The following MYEF2 variants were observed in gnomAD, a reference collection of about 807,000 sequenced individuals.
The protein encoded by MYEF2 is myelin gene expression factor 2.
MYEF2 carries 37 observed loss-of-function variants against 75.2 expected under a neutral mutation model. That is an observed-to-expected ratio of 0.49 (90% confidence interval 0.38 to 0.65). MYEF2 has a LOEUF of 0.65. Ranked by LOEUF, MYEF2 falls within the 30% of genes least tolerant of loss-of-function variation. MYEF2 has a pLI of 0.00. For synonymous variants in MYEF2, 195 were observed against 241.6 expected, an observed-to-expected ratio of 0.81 and a Z score of 1.79; for missense variants, 634 against 771.4, an observed-to-expected ratio of 0.82 and a Z score of 2.11.
intron 5 of MYEF2, among the ~76,000 whole-genome samples, chr15:48,160,409 T>C (rs2039891765): frequency 3.3e-5 from 5 of 151,518 alleles, no homozygotes; most frequent in Admixed American, 2.6e-4. Context: ...AAGTGAGAAA[T>C]GATATTAAAC....
At chr15:48,173,025 G>A (rs967397412) in intron 1 of MYEF2, among the ~76,000 whole-genome samples, 7 of 152,184 alleles carry the variant, frequency 4.6e-5, no homozygotes, top group African/African-American at 1.4e-4. Flanking sequence ...TGATAACAAC[G>A]CAAGACAAGG....
chr15:48,163,426 T>G lies in MYEF2; in HGVS notation c.525+2507A>C, dbSNP rs541081760. ...GTGAGAAAGCTGCAGAAGAAAAGTTTGAAGCTGGTTCATGAGATTTAAAGA... is the reference window on the plus strand; with the variant it reads ...GTGAGAAAGCTGCAGAAGAAAAGTTGGAAGCTGGTTCATGAGATTTAAAGA... On this transcript the variant is annotated intron_variant, in intron 5 of 16. Coordinates refer to ENST00000324324, the MANE Select transcript of MYEF2 (RefSeq NM_016132.5). Among the ~76,000 whole-genome samples, 23 of 152,284 alleles carry G rather than the reference T, an allele frequency of 1.5e-4. No individual in the cohort carries two copies. The South Asian group carries it at 1.9e-3, about 12-fold the overall frequency.
At chr15:48,157,797 A>G in intron 9 of MYEF2, 196 bp downstream of exon 9, 2 of 1,319,470 alleles carry the variant, frequency 1.5e-6, no homozygotes, top group Non-Finnish European at 1.9e-6. Context: ...AAGTTACCAA[A>G]GAGAAAAAAA....
chr15:48,143,966 A>G (rs1184717993), intron 16 of MYEF2, among the ~76,000 whole-genome samples: 1 of 152,060 alleles, frequency 6.6e-6, no homozygotes, highest in African/African-American at 2.4e-5. Flanking sequence ...CCCCAGGCAA[A>G]CTGGAATACA....
At chr15:48,157,852 C>A (rs186487542) in intron 9 of MYEF2, 141 bp downstream of exon 9, 1 of 1,426,762 alleles carries the variant, frequency 7.0e-7, no homozygotes, top group South Asian at 1.7e-5. Flanking sequence ...TAATCAATAG[C>A]GCCAAACTAT....
At chr15:48,170,135 T>C (rs769305388) in intron 1 of MYEF2, among the ~76,000 whole-genome samples, 22 of 152,046 alleles carry the variant, frequency 1.4e-4, no homozygotes, top group Non-Finnish European at 2.6e-4. Flanking sequence ...GTTGTTGTTG[T>C]TGTTGTTTGA....
chr15:48,168,632 T>C lies in MYEF2; in HGVS notation c.369A>G (p.Lys123=). Residue 123 remains lysine, a splice_region_variant and synonymous_variant, in exon 2 of 17, where the codon AAA becomes AAG. Transcript: ENST00000324324. ...WQAIKDLMRE[K]VGEVTYVELF... The stretch of plus-strand genomic sequence containing the variant: ...GTGGGTTATTTCAGAGATAGTTACC[T>C]TTCTCTCTCATTAGATCTTTAATAG... The C allele has an allele frequency of 2.5e-6, 4 of 1,610,044 alleles. No individual in the cohort carries two copies. The highest frequency in any genetic ancestry group is 3.4e-6 in the Non-Finnish European group (4 of 1,176,894).
chr15:48,166,827 C>A (rs1046969783), intron 3 of MYEF2, among the ~76,000 whole-genome samples: 1 of 151,896 alleles, frequency 6.6e-6, no homozygotes, highest in Non-Finnish European at 1.5e-5. Flanking sequence ...ATTCTTATTG[C>A]TAAAAATCAA....
rs2040252838 is a variant in MYEF2, at chr15:48,169,637, A to C, written c.162-798T>G. Among the ~76,000 whole-genome samples, 3 of 149,840 alleles carry C rather than the reference A, an allele frequency of 2.0e-5. No homozygotes were observed. In the South Asian group the frequency reaches 6.3e-4, roughly 32 times the overall value. Reference sequence around the variant, plus strand: ...TTTTGAGACGGAGTTTTGCTCTGTCACCCAGGCTGGAGTGCAGTGGTGCAA... The same window carrying C: ...TTTTGAGACGGAGTTTTGCTCTGTCCCCCAGGCTGGAGTGCAGTGGTGCAA... On this transcript the variant is annotated intron_variant, in intron 1 of 16. Coordinates refer to ENST00000324324, the MANE Select transcript of MYEF2 (RefSeq NM_016132.5).
chr15:48,176,750 T>A (rs2040540384), intron 1 of MYEF2, among the ~76,000 whole-genome samples: 1 of 152,236 alleles, frequency 6.6e-6, no homozygotes, highest in Non-Finnish European at 1.5e-5. Flanking sequence ...TAATGCCAAA[T>A]TCCAGAAAGC....
chr15:48,166,973 T>C (rs1249896113), intron 3 of MYEF2, among the ~76,000 whole-genome samples: 2 of 152,110 alleles, frequency 1.3e-5, no homozygotes, highest in Non-Finnish European at 1.5e-5. Context: ...AAAAATACAT[T>C]CTGAACTAAC....
chr15:48,149,279 T>A lies in MYEF2; in HGVS notation c.1471A>T (p.Ile491Leu). ...SSSFDRMGPGIGAILERSIDM... is the reference protein window; with the variant it reads ...SSSFDRMGPGLGAILERSIDM... The stretch of plus-strand genomic sequence containing the variant: ...ATGCTCCTTTCCAGTATAGCTCCTA[T>A]ACCTGGTCCCATTCTATCAAAGCTG... Residue 491 changes from isoleucine to leucine, a missense_variant, in exon 15 of 17, where the codon ATA becomes TTA. Physicochemically the swap from Ile to Leu is conservative, Grantham distance 5. Coordinates refer to ENST00000324324, the MANE Select transcript of MYEF2 (RefSeq NM_016132.5). The surrounding 1 kb of genome is among the most constrained non-coding windows in gnomAD (Gnocchi z 4.0). 1 of 1,613,366 alleles carries A rather than the reference T, an allele frequency of 6.2e-7. No individual in the cohort carries two copies. Among genetic ancestry groups the A allele is most frequent in the East Asian group, 2.2e-5 (1 of 44,862 alleles).
rs2038899297 is a variant in MYEF2, at chr15:48,136,362, A to T, written c.*6546T>A. ...GTTCACCACTATTTATTAATTTTAC[A>T]TTTATTTTGAAAATCTCCAATTATC... On this transcript the variant is annotated 3_prime_UTR_variant, in exon 17 of 17. Transcript: ENST00000324324. 4.9e-6 allele frequency: 1 copy of T among 203,838 alleles called. No homozygotes were observed. The highest frequency in any genetic ancestry group is 5.9e-5 in the Admixed American group (1 of 16,966). 12.6% of individuals were successfully genotyped at this position (203,838 alleles called of 1,614,324 possible). A position where few individuals can be genotyped will look rare whatever the true frequency, so the allele number is the denominator to read the frequency against.
chr15:48,164,149 T>C lies in MYEF2; in HGVS notation c.525+1784A>G, dbSNP rs908945881. Among the ~76,000 whole-genome samples the C allele has an allele frequency of 2.0e-5, 3 of 152,180 alleles. No homozygotes were observed. The East Asian group carries it at 5.8e-4, about 29-fold the overall frequency. On this transcript the variant is annotated intron_variant, in intron 5 of 16. Coordinates refer to ENST00000324324, the MANE Select transcript of MYEF2 (RefSeq NM_016132.5). ...TGGGCAAAGTAAATTAAAAACCTTCTGGAAAGAATGTACCATTCTAGATGT... is the reference window on the plus strand; with the variant it reads ...TGGGCAAAGTAAATTAAAAACCTTCCGGAAAGAATGTACCATTCTAGATGT...
At chr15:48,159,935 T>C in intron 5 of MYEF2, 131 bp from the exon 6 acceptor site, 1 of 905,250 alleles carries the variant, frequency 1.1e-6, no homozygotes, top group Admixed American at 3.5e-5. Flanking sequence ...GAGTGAGCTT[T>C]TTTCTCATCC....
rs903684914 is a variant in MYEF2, at chr15:48,140,386, GAA to G, written c.*2520_*2521del. On this transcript the variant is annotated 3_prime_UTR_variant, in exon 17 of 17. Coordinates refer to ENST00000324324, the MANE Select transcript of MYEF2 (RefSeq NM_016132.5). Reference sequence around the variant, plus strand: ...GTTGGCATTTTAAGAAAAAAAAAGAGAAAGAAAAAAAAGACGCTAAACCAAGT... The same window carrying G: ...GTTGGCATTTTAAGAAAAAAAAAGAGAGAAAAAAAAGACGCTAAACCAAGT... 3.3e-5 allele frequency: 5 copies of G among 151,462 alleles called. No individual in the cohort carries two copies. The highest frequency in any genetic ancestry group is 1.2e-4 in the African/African-American group (5 of 41,268). The allele number at this position is 151,462 out of a possible 1,614,324, so 9.4% of individuals were successfully genotyped here. A position where few individuals can be genotyped will look rare whatever the true frequency, so the allele number is the denominator to read the frequency against.
chr15:48,161,175 A>G (rs1490307002), intron 5 of MYEF2, among the ~76,000 whole-genome samples: 1 of 152,092 alleles, frequency 6.6e-6, no homozygotes, highest in Non-Finnish European at 1.5e-5. Flanking sequence ...AAACATATAT[A>G]AAATAAAATT....
At position 48,139,807 on chromosome 15, in the gene MYEF2, A is replaced by T. The variant is rs1843657414; in HGVS notation, c.*3101T>A. On this transcript the variant is annotated 3_prime_UTR_variant, in exon 17 of 17. Coordinates refer to ENST00000324324, the MANE Select transcript of MYEF2 (RefSeq NM_016132.5). ...AAAATAATCTGTAATTTCTCCTACA[A>T]AGGTTAACCCAAATTAACTTACAGC... 6.6e-6 allele frequency: 1 copy of T among 152,140 alleles called. No individual in the cohort carries two copies. The highest frequency in any genetic ancestry group is 1.5e-5 in the Non-Finnish European group (1 of 67,984). 9.4% of individuals were successfully genotyped at this position (152,140 alleles called of 1,614,324 possible).
chr15:48,166,956 A>C (rs2040154499), intron 3 of MYEF2, among the ~76,000 whole-genome samples: 1 of 152,044 alleles, frequency 6.6e-6, no homozygotes, highest in Non-Finnish European at 1.5e-5. Flanking sequence ...CTTTTCAGTA[A>C]AATTTCAAAA....
Sources: gnomAD v4.1 joint callset for allele counts (sites outside exome capture counted in the v4.1 genomes callset) on GRCh38, gnomAD v4.1.1 for gene constraint, Gnocchi (gnomAD v3.1) non-coding constraint, MANE v1.5 for transcripts, NCBI Gene and HGNC (gene_info 2026-07-23, HGNC 2026-07-21) for gene names.